The following PHC2 variants were observed in gnomAD, a reference collection of about 807,000 sequenced individuals.
The protein encoded by PHC2 is polyhomeotic homolog 2.
In PHC2, 29 loss-of-function variants were observed where a neutral mutation model predicts 87.4. That is an observed-to-expected ratio of 0.33 (90% CI 0.25 to 0.45). The LOEUF is 0.45. Among genes scored for constraint, PHC2 ranks in the 20% least tolerant of loss-of-function variants. The probability of loss-of-function intolerance (pLI) is 1.00; values close to 1 mark genes in which losing one functional copy is unlikely to be tolerated. For missense variants in PHC2, 857 were observed against 1,136.7 expected, an observed-to-expected ratio of 0.75 and a Z score of 3.54; for synonymous variants, 438 against 461.7, an observed-to-expected ratio of 0.95 and a Z score of 0.66.
rs190337628 is a variant in PHC2 at position 33,405,387 on chromosome 1, C to T, written c.-55+25589G>A. ...TGTATTTTTAGTAGAGACGGGGTTTCGTCATGTTGGCCAGGTAGGTCTTGA... is the reference window on the plus strand; with the variant it reads ...TGTATTTTTAGTAGAGACGGGGTTTTGTCATGTTGGCCAGGTAGGTCTTGA... On this transcript the variant is annotated intron_variant, in intron 1 of 14. Transcript: ENST00000683057. Among the ~76,000 whole-genome samples the T allele has an allele frequency of 3.2e-3, 485 of 152,084 alleles. 5 individuals carry two copies. Among genetic ancestry groups the T allele is most frequent in the African/African-American group, 0.011 (451 of 41,510 alleles).
At chr1:33,412,762 T>C (rs890695292) in intron 1 of PHC2, among the ~76,000 whole-genome samples, 10 of 152,210 alleles carry the variant, frequency 6.6e-5, no homozygotes, top group Admixed American at 3.9e-4. Flanking sequence ...ATCAGGAGCA[T>C]AAATCTTGTA....
intron 1 of PHC2, among the ~76,000 whole-genome samples, chr1:33,377,147 C>T (rs1648226523): frequency 6.6e-6 from 1 of 152,190 alleles, no homozygotes; most frequent in Non-Finnish European, 1.5e-5. Context: ...GAAATCCTGG[C>T]ATGTCACACC....
chr1:33,363,244 T>C, intron 7 of PHC2: 1 of 152,226 alleles, frequency 6.6e-6, no homozygotes, highest in East Asian at 1.9e-4. Flanking sequence ...CCTCCACTGA[T>C]AGCTGATGAT....
In PHC2 at chr1:33,354,856, C is replaced by T. The variant is rs1427272595; in HGVS notation, c.1374G>A (p.Leu458=). Residue 458 remains leucine, a synonymous_variant, in exon 8 of 15, where the codon CTG becomes CTA. Transcript: ENST00000683057. ...TACTCACCACTGGTGAAGCAGGCTG[C>T]AGTTGTAAGATGACAGCTGAAGTGT... ...FQHTSAVILQ[L]QPASPVPQQC... is the part of the protein sequence containing the mutation. 1.2e-6 allele frequency: 2 copies of T among 1,613,760 alleles called. No individual in the cohort carries two copies. Among genetic ancestry groups the T allele is most frequent in the South Asian group, 1.1e-5 (1 of 91,052 alleles).
intron 7 of PHC2, among the ~76,000 whole-genome samples, chr1:33,361,956 A>C (rs532646991): frequency 6.6e-6 from 1 of 152,346 alleles, no homozygotes; most frequent in South Asian, 2.1e-4. Flanking sequence ...GGAGGTTTAC[A>C]GAGCTTAAGT....
At position 33,349,341 on chromosome 1, in the gene PHC2, G is replaced by A; in HGVS notation, c.1558+5060C>T. ...CTGGGGTGGGGTGTGCGGGGCCTGG[G>A]GACGCGGAAGCTGCGGCGCGCCGAG... On this transcript the variant is annotated intron_variant, in intron 9 of 14. Coordinates refer to ENST00000683057, the MANE Select transcript of PHC2 (RefSeq NM_001385109.1). This position sits in a 1 kb window ranked among gnomAD's most constrained non-coding sequence, Gnocchi z 4.2. 1.0e-6 allele frequency: 1 copy of A among 985,438 alleles called. No homozygotes were observed. Among genetic ancestry groups the A allele is most frequent in the Middle Eastern group, 5.2e-4 (1 of 1,914 alleles). 61.0% of individuals were successfully genotyped at this position (985,438 alleles called of 1,614,324 possible).
At chr1:33,347,437 C>T in intron 9 of PHC2, 1 of 985,248 alleles carries the variant, frequency 1.0e-6, no homozygotes, top group Non-Finnish European at 1.2e-6. Context: ...ATGGAGTGAG[C>T]TTGACAAAGG....
At chr1:33,329,766 C>G (rs1353151661) in intron 13 of PHC2, among the ~76,000 whole-genome samples, 1 of 152,190 alleles carries the variant, frequency 6.6e-6, no homozygotes, top group African/African-American at 2.4e-5. Flanking sequence ...CAGGAGGTTA[C>G]CTGAGCAGCC....
chr1:33,417,839 G>A (rs1650274463), intron 1 of PHC2, among the ~76,000 whole-genome samples: 1 of 152,006 alleles, frequency 6.6e-6, no homozygotes, highest in South Asian at 2.1e-4. Flanking sequence ...CATAAAATAA[G>A]TCTCAATAAA....
At chr1:33,356,458 T>C (rs1647088396) in intron 7 of PHC2, among the ~76,000 whole-genome samples, 1 of 151,124 alleles carries the variant, frequency 6.6e-6, no homozygotes, top group Non-Finnish European at 1.5e-5. Context: ...AGTGTTTGTG[T>C]CCCTGGGTAC....
intron 1 of PHC2, among the ~76,000 whole-genome samples, chr1:33,397,181 CCAT>C (rs1354481914): frequency 3.3e-5 from 5 of 152,180 alleles, no homozygotes; most frequent in Non-Finnish European, 7.3e-5. Flanking sequence ...GGCAGCAGCA[CCAT>C]CACCAGGCAC....
chr1:33,383,655 G>T (rs1169095189), intron 1 of PHC2, among the ~76,000 whole-genome samples: 2 of 152,194 alleles, frequency 1.3e-5, no homozygotes, highest in Non-Finnish European at 2.9e-5. Context: ...GGGACGGGAT[G>T]GATGAGTTTG....
rs552265652 is a variant in PHC2, at chr1:33,400,939, T to TAATAAATA, written c.-54-25354_-54-25347dup. Among the ~76,000 whole-genome samples the TAATAAATA allele has an allele frequency of 7.4e-4, 113 of 152,138 alleles. 1 individual carries two copies. In the East Asian group the frequency reaches 0.019, roughly 25 times the overall value. On this transcript the variant is annotated intron_variant, in intron 1 of 14. Coordinates refer to ENST00000683057, the MANE Select transcript of PHC2 (RefSeq NM_001385109.1). ...ATCTCATTCTTGTCTACATTAAAAATAATAAATAAATAAATAAATAAAAGC... is the reference window on the plus strand; with the variant it reads ...ATCTCATTCTTGTCTACATTAAAAATAATAAATAAATAAATAAATAAATAAATAAAAGC...
In PHC2 at chr1:33,334,308, T is replaced by G; in HGVS notation, c.1559-16A>C. On this transcript the variant is annotated splice_polypyrimidine_tract_variant and intron_variant, in intron 9 of 14. Transcript: ENST00000683057. This position sits in a 1 kb window ranked among gnomAD's most constrained non-coding sequence, Gnocchi z 5.5. ...TGCCCTGTCTCTGCACGAGAGAGAG[T>G]AGGAAAACAAAGCAGGGGAGATCAG... 6.2e-7 allele frequency: 1 copy of G among 1,607,750 alleles called. No homozygotes were observed. Among genetic ancestry groups the G allele is most frequent in the Non-Finnish European group, 8.5e-7 (1 of 1,176,088 alleles).
At chr1:33,419,521 A>G (rs1254628224) in intron 1 of PHC2, among the ~76,000 whole-genome samples, 1 of 152,108 alleles carries the variant, frequency 6.6e-6, no homozygotes, top group African/African-American at 2.4e-5. Context: ...TGCCTCTCTA[A>G]GGACACTTGT....
intron 9 of PHC2, chr1:33,346,059 A>G (rs990345416): frequency 7.1e-6 from 7 of 985,222 alleles, no homozygotes; most frequent in African/African-American, 1.7e-5. Flanking sequence ...GCATAAATCT[A>G]TGTGTTCAGA....
At chr1:33,366,968 T>C (rs1243971414) in intron 7 of PHC2, 148 bp downstream of exon 7, 2 of 750,126 alleles carry the variant, frequency 2.7e-6, no homozygotes, top group African/African-American at 1.7e-5. Flanking sequence ...CAGGAGCTGA[T>C]GGACATTTTG....
At chr1:33,384,896 TGAAGCTCTTTGG>T (rs1290494896) in intron 1 of PHC2, among the ~76,000 whole-genome samples, 2 of 152,208 alleles carry the variant, frequency 1.3e-5, no homozygotes, top group Non-Finnish European at 2.9e-5. Context: ...GAATAAAGCT[TGAAGCTCTTTGG>T]GAAGCTCTTC....
At chr1:33,370,322 A>C in intron 5 of PHC2, 99 bp downstream of exon 5, 1 of 1,173,362 alleles carries the variant, frequency 8.5e-7, no homozygotes, top group Non-Finnish European at 1.2e-6. Flanking sequence ...CCCTGCCCCT[A>C]GTGCTTCCTC....
Sources: gnomAD v4.1 joint callset for allele counts (sites outside exome capture counted in the v4.1 genomes callset) on GRCh38, gnomAD v4.1.1 for gene constraint, Gnocchi (gnomAD v3.1) non-coding constraint, MANE v1.5 for transcripts, NCBI Gene and HGNC (gene_info 2026-07-23, HGNC 2026-07-21) for gene names.